Variants in CDH12 observed in about 807,000 individuals in gnomAD.
The protein encoded by CDH12 is cadherin-12.
A neutral mutation model predicts 74.1 loss-of-function variants in CDH12; 41 were observed. That is an observed-to-expected ratio of 0.55 (90% confidence interval 0.43 to 0.72). The LOEUF is 0.72. CDH12 is among the 30% of genes least tolerant of loss of function. The pLI is 0.00. For missense variants in CDH12, 945 were observed against 977.2 expected, an observed-to-expected ratio of 0.97 and a Z score of 0.44; for synonymous variants, 399 against 355.0, an observed-to-expected ratio of 1.12 and a Z score of -1.39.
chr5:22,001,967 A>G (rs1365073240), intron 5 of CDH12, among the ~76,000 whole-genome samples: 2 of 152,004 alleles, frequency 1.3e-5, no homozygotes, highest in African/African-American at 4.8e-5. Context: ...TTATAATTGG[A>G]TTTCCATTCT....
chr5:22,032,328 T>C (rs1738872292), intron 5 of CDH12, among the ~76,000 whole-genome samples: 1 of 152,162 alleles, frequency 6.6e-6, no homozygotes, highest in Non-Finnish European at 1.5e-5. Context: ...TCCCATTATA[T>C]ATTAAGTGTA....
At chr5:22,457,870 G>T (rs1050329229) in intron 2 of CDH12, among the ~76,000 whole-genome samples, 11 of 152,010 alleles carry the variant, frequency 7.2e-5, no homozygotes, top group African/African-American at 2.7e-4. Context: ...TCAGTCTCCC[G>T]AGTAGCTGGG....
At chr5:22,366,890 A>T (rs113571913) in intron 3 of CDH12, among the ~76,000 whole-genome samples, 67 of 152,170 alleles carry the variant, frequency 4.4e-4, no homozygotes, top group Non-Finnish European at 8.4e-4. Context: ...CATTTACTGG[A>T]TGTGTCGCTT....
intron 3 of CDH12, among the ~76,000 whole-genome samples, chr5:22,282,562 C>G (rs557064112): frequency 1.3e-3 from 197 of 152,132 alleles, no homozygotes; most frequent in African/African-American, 4.5e-3. Context: ...CAAACAACCC[C>G]ATCAAAAAGA....
intron 4 of CDH12, among the ~76,000 whole-genome samples, chr5:22,164,139 T>G (rs1748527149): frequency 6.6e-6 from 1 of 152,194 alleles, no homozygotes; most frequent in African/African-American, 2.4e-5. Flanking sequence ...GCTCCCAAGA[T>G]GGTCGTGGGC....
chr5:22,749,947 A>G (rs1008740274), intron 1 of CDH12, among the ~76,000 whole-genome samples: 4 of 152,138 alleles, frequency 2.6e-5, no homozygotes, highest in African/African-American at 9.7e-5. Context: ...ACAATTTTTC[A>G]ATTCATATAG....
chr5:21,823,872 C>CAAACTTTTTTTTTT (rs1314807559), intron 8 of CDH12, among the ~76,000 whole-genome samples: 1 of 151,982 alleles, frequency 6.6e-6, no homozygotes, highest in Non-Finnish European at 1.5e-5. Flanking sequence ...AGATATGATA[C>CAAACTTTTTTTTTT]AAACTTTTTT....
At chr5:22,613,083 T>G (rs747326625) in intron 1 of CDH12, among the ~76,000 whole-genome samples, 2 of 152,046 alleles carry the variant, frequency 1.3e-5, no homozygotes, top group African/African-American at 4.8e-5. Context: ...GTGATAAGCA[T>G]CTTAATGTGA....
In CDH12 at chr5:22,535,247, C is replaced by A. The variant is rs185306977; in HGVS notation, c.-522-29883G>T. 3.6e-4 allele frequency among the ~76,000 whole-genome samples: 55 copies of A among 151,202 alleles called. 1 individual carries two copies. In the East Asian group the frequency reaches 8.8e-3, roughly 24 times the overall value. ...TTGGCTCAATGCAAGCTCCGCTTCC[C>A]GGGTTCACGCCATTCTCCTACTTCA... On this transcript the variant is annotated intron_variant, in intron 1 of 14. Coordinates refer to ENST00000382254, the MANE Select transcript of CDH12 (RefSeq NM_004061.5).
chr5:22,497,364 T>G (rs1302184685), intron 2 of CDH12, among the ~76,000 whole-genome samples: 1 of 152,262 alleles, frequency 6.6e-6, no homozygotes, highest in East Asian at 1.9e-4. Flanking sequence ...TCACCTTGGA[T>G]CTTTCTCATT....
rs1176199354 is a variant in CDH12 at position 21,854,653 on chromosome 5, C to G, written c.646+18G>C. On this transcript the variant is annotated intron_variant, in intron 7 of 14. Transcript: ENST00000382254. Reference sequence around the variant, plus strand: ...TTTGAAGGGCTGGTGATAATGTTGCCTCTAATAAAAAATTTACCTGTCTTG... The same window carrying G: ...TTTGAAGGGCTGGTGATAATGTTGCGTCTAATAAAAAATTTACCTGTCTTG... 4 of 1,520,646 alleles carry G rather than the reference C, an allele frequency of 2.6e-6. No homozygotes were observed. The highest frequency in any genetic ancestry group is 3.6e-6 in the Non-Finnish European group (4 of 1,123,780). The allele number at this position is 1,520,646 out of a possible 1,614,324, so 94.2% of individuals were successfully genotyped here. A position where few individuals can be genotyped will look rare whatever the true frequency, so the allele number is the denominator to read the frequency against.
At chr5:21,951,381 T>C (rs1755854140) in intron 6 of CDH12, among the ~76,000 whole-genome samples, 3 of 152,116 alleles carry the variant, frequency 2.0e-5, no homozygotes, top group Non-Finnish European at 4.4e-5. Context: ...TGCCACCACA[T>C]ACGGCTAATT....
At chr5:22,698,182 C>T (rs545851972) in intron 1 of CDH12, among the ~76,000 whole-genome samples, 1 of 133,328 alleles carries the variant, frequency 7.5e-6, no homozygotes, top group African/African-American at 2.9e-5. Flanking sequence ...AGTGCAATGG[C>T]ACAATCTCAG....
intron 8 of CDH12, among the ~76,000 whole-genome samples, chr5:21,836,843 C>T (rs1749563288): frequency 6.6e-6 from 1 of 151,934 alleles, no homozygotes; most frequent in Non-Finnish European, 1.5e-5. Flanking sequence ...CTACGGAAAA[C>T]ATTTTGTAAA....
intron 3 of CDH12, among the ~76,000 whole-genome samples, chr5:22,378,051 T>C (rs573564301): frequency 6.6e-6 from 1 of 152,316 alleles, no homozygotes; most frequent in South Asian, 2.1e-4. Flanking sequence ...CGTGTTTTTT[T>C]CCTCTTACTA....
chr5:22,722,096 C>G (rs555024338), intron 1 of CDH12, among the ~76,000 whole-genome samples: 1 of 152,308 alleles, frequency 6.6e-6, no homozygotes, highest in Admixed American at 6.5e-5. Context: ...CAGGTGTCTC[C>G]TCTAACCTTT....
At chr5:22,580,463 A>C in intron 1 of CDH12, 1 of 510,310 alleles carries the variant, frequency 2.0e-6, no homozygotes, top group South Asian at 1.5e-5. Context: ...TGGCGACTGC[A>C]TGCGTGTCAG....
chr5:22,462,072 T>A (rs1248218192), intron 2 of CDH12, among the ~76,000 whole-genome samples: 1 of 152,158 alleles, frequency 6.6e-6, no homozygotes, highest in Non-Finnish European at 1.5e-5. Context: ...AGAATGATAA[T>A]TTATGAATCT....
At chr5:22,051,638 T>A (rs902980713) in intron 5 of CDH12, among the ~76,000 whole-genome samples, 1 of 152,166 alleles carries the variant, frequency 6.6e-6, no homozygotes, top group Non-Finnish European at 1.5e-5. Flanking sequence ...TGACAATATA[T>A]AAATTACTAC....
Sources: gnomAD v4.1 joint callset for allele counts (sites outside exome capture counted in the v4.1 genomes callset) on GRCh38, gnomAD v4.1.1 for gene constraint, MANE v1.5 for transcripts, NCBI Gene and HGNC (gene_info 2026-07-23, HGNC 2026-07-21) for gene names.